The following SLC19A1 variants were observed in gnomAD, a reference collection of about 807,000 sequenced individuals.
SLC19A1 encodes the protein solute carrier family 19 member 1.
A neutral mutation model predicts 35.3 loss-of-function variants in SLC19A1; 37 were observed. The ratio of observed to expected loss-of-function variants is 1.05; its 90% CI spans 0.81 to 1.38. The LOEUF is 1.38. Ranked by LOEUF, SLC19A1 falls within the 40% of genes most tolerant of loss-of-function variation. The probability of loss-of-function intolerance (pLI) is 0.00; values close to 1 mark genes in which losing one functional copy is unlikely to be tolerated. For missense variants in SLC19A1, 831 were observed against 826.9 expected, an observed-to-expected ratio of 1.00 and a Z score of -0.06; for synonymous variants, 460 against 398.5, an observed-to-expected ratio of 1.15 and a Z score of -1.84.
At position 45,512,568 on chromosome 21, in the gene SLC19A1, A is replaced by G. The variant is rs1568958269; in HGVS notation, c.*3090T>C. 1.5e-6 allele frequency: 1 copy of G among 679,672 alleles called. No homozygotes were observed. The highest frequency in any genetic ancestry group is 2.7e-5 in the East Asian group (1 of 36,784). 42.1% of individuals were successfully genotyped at this position (679,672 alleles called of 1,614,324 possible). A position where few individuals can be genotyped will look rare whatever the true frequency, so the allele number is the denominator to read the frequency against. On this transcript the variant is annotated 3_prime_UTR_variant, in exon 6 of 6. Transcript: ENST00000311124. ...GAAATAAAAGGAAGCCAAAGAGTGT[A>G]TTTTTTTAAAAGTTTAAAACAGAAG...
At chr21:45,502,938 G>A (rs2036941611) in intron 3 of SLC19A1, 1 of 152,222 alleles carries the variant, frequency 6.6e-6, no homozygotes, top group Non-Finnish European at 1.5e-5. Context: ...TCACCAGATG[G>A]AAGGGCAGTC....
At chr21:45,537,724 G>T in intron 2 of SLC19A1, 47 bp downstream of exon 2, 2 of 130,900 alleles carry the variant, frequency 1.5e-5, no homozygotes, top group South Asian at 1.6e-4. Flanking sequence ...GCTGCTCCCC[G>T]CCCACCCACC....
downstream of SLC19A1, chr21:45,512,504 A>ATACTT (rs1442079372): frequency 9.9e-7 from 1 of 1,010,092 alleles, no homozygotes; most frequent in East Asian, 2.6e-5. Context: ...CCTGGCTGCC[A>ATACTT]TACTTTCCTG....
In SLC19A1 at chr21:45,504,709, C is replaced by T. The variant is rs368589703; in HGVS notation, c.498-6097G>A. Among the ~76,000 whole-genome samples, 163 of 152,130 alleles carry T rather than the reference C, an allele frequency of 1.1e-3. 3 individuals carry two copies. In the East Asian group the frequency reaches 0.023, roughly 22 times the overall value. On this transcript the variant is annotated intron_variant, in intron 3 of 4. Transcript: ENST00000417954. The stretch of plus-strand genomic sequence containing the variant: ...ACATGTCCCTGTCCCCGTGTGGGGA[C>T]GCAGCAGGCCACATGGGTGTGGGTG...
upstream of SLC19A1, among the ~76,000 whole-genome samples, chr21:45,545,653 AG>A (rs2146478228): frequency 6.7e-6 from 1 of 149,422 alleles, no homozygotes; most frequent in African/African-American, 2.6e-5. Flanking sequence ...GTAAACATAC[AG>A]ACATACACAT....
chr21:45,510,583 G>A (rs115490959), downstream of SLC19A1, among the ~76,000 whole-genome samples: 1,078 of 152,290 alleles, frequency 7.1e-3, 13 homozygotes, highest in African/African-American at 0.025. Flanking sequence ...CAGGTGATAG[G>A]GCTCACATAC....
chr21:45,539,135 G>C (rs1181857171), intron 1 of SLC19A1, among the ~76,000 whole-genome samples: 2 of 152,214 alleles, frequency 1.3e-5, no homozygotes, highest in Non-Finnish European at 2.9e-5. Flanking sequence ...TCTCCTTCAA[G>C]TAAGTCAAAA....
At chr21:45,524,876 T>C (rs2077554343) in intron 5 of SLC19A1, among the ~76,000 whole-genome samples, 1 of 151,778 alleles carries the variant, frequency 6.6e-6, no homozygotes. Flanking sequence ...CCCCTGGGCC[T>C]TGGAGACTCA....
At chr21:45,503,775 T>A (rs1330695641) in intron 3 of SLC19A1, among the ~76,000 whole-genome samples, 1 of 151,354 alleles carries the variant, frequency 6.6e-6, no homozygotes, top group African/African-American at 2.4e-5. Context: ...ACCCTAAAAC[T>A]TAAAGTATAA....
At chr21:45,509,331 C>T (rs930401118), downstream of SLC19A1, 2 of 1,541,858 alleles carry the variant, frequency 1.3e-6, no homozygotes, top group Non-Finnish European at 1.7e-6. Flanking sequence ...CCCCCGCCGA[C>T]AGGCCCCACG....
At chr21:45,516,210 G>T in intron 5 of SLC19A1, 70 bp from the exon 6 acceptor site, 1 of 1,252,058 alleles carries the variant, frequency 8.0e-7, no homozygotes, top group Non-Finnish European at 1.1e-6. Flanking sequence ...ACACCCCGAC[G>T]CCTGCTCCCA....
At chr21:45,552,622 G>A (rs1333219175) in intron 1 of SLC19A1, among the ~76,000 whole-genome samples, 1 of 152,112 alleles carries the variant, frequency 6.6e-6, no homozygotes, top group African/African-American at 2.4e-5. Context: ...CTCTCGCCCA[G>A]AACAGGGCAC....
upstream of SLC19A1, among the ~76,000 whole-genome samples, chr21:45,546,908 C>T (rs62214303): frequency 0.022 from 3,416 of 152,212 alleles, 157 homozygotes; most frequent in East Asian, 0.2. Context: ...GAAACCTAAG[C>T]GTGACATTAG....
downstream of SLC19A1, among the ~76,000 whole-genome samples, chr21:45,511,619 A>G (rs2037612865): frequency 6.6e-6 from 1 of 151,974 alleles, no homozygotes; most frequent in Non-Finnish European, 1.5e-5. Context: ...GTTGACAGAA[A>G]TTTCCAGGGT....
rs1236757670 is a variant in SLC19A1, at chr21:45,515,128, G to A, written c.*530C>T. On this transcript the variant is annotated 3_prime_UTR_variant, in exon 6 of 6. Coordinates refer to ENST00000311124, the MANE Select transcript of SLC19A1 (RefSeq NM_194255.4). ...CTGAGATGGCTTTTCCACAGAGACAGAGAAGCCACATGCAGTTCTTCATTC... is the reference window on the plus strand; with the variant it reads ...CTGAGATGGCTTTTCCACAGAGACAAAGAAGCCACATGCAGTTCTTCATTC... 6.5e-7 allele frequency: 1 copy of A among 1,539,036 alleles called. No individual in the cohort carries two copies. The highest frequency in any genetic ancestry group is 1.4e-5 in the African/African-American group (1 of 71,696).
downstream of SLC19A1, chr21:45,512,264 A>G (rs1175731734): frequency 1.2e-6 from 2 of 1,611,662 alleles, no homozygotes; most frequent in African/African-American, 1.3e-5. Flanking sequence ...GACGTGGCGG[A>G]CGGAGGCTCC....
intron 1 of SLC19A1, among the ~76,000 whole-genome samples, chr21:45,558,643 G>A (rs2078586479): frequency 6.6e-6 from 1 of 152,212 alleles, no homozygotes. Context: ...GAGCGGAGCT[G>A]CTACAGGAAG....
upstream of SLC19A1, among the ~76,000 whole-genome samples, chr21:45,542,642 C>G (rs1198650726): frequency 6.6e-6 from 1 of 151,160 alleles, no homozygotes; most frequent in Non-Finnish European, 1.5e-5. Flanking sequence ...CGCGGCCCCT[C>G]GTGCTGCGGC....
At position 45,514,263 on chromosome 21, in the gene SLC19A1, C is replaced by CCCCT. The variant is rs1555877865; in HGVS notation, c.*1394_*1395insAGGG. ...CAGGAAATGGCTGGTGCAGACCCCC[C>CCCCT]CCCAAGCAGGGTCCCCAGGGTGGCC... On this transcript the variant is annotated 3_prime_UTR_variant, in exon 6 of 6. Coordinates refer to ENST00000311124, the MANE Select transcript of SLC19A1 (RefSeq NM_194255.4). The CCCCT allele has an allele frequency of 6.6e-6, 1 of 151,988 alleles. No homozygotes were observed. Among genetic ancestry groups the CCCCT allele is most frequent in the African/African-American group, 2.4e-5 (1 of 41,214 alleles). 9.4% of individuals were successfully genotyped at this position (151,988 alleles called of 1,614,324 possible).
Sources: gnomAD v4.1 joint callset for allele counts (sites outside exome capture counted in the v4.1 genomes callset) on GRCh38, gnomAD v4.1.1 for gene constraint, MANE v1.5 for transcripts, NCBI Gene and HGNC (gene_info 2026-07-23, HGNC 2026-07-21) for gene names.